NLGN1: variants seen among roughly 807,000 people sequenced by gnomAD.
NLGN1 encodes the protein neuroligin 1.
In NLGN1, 12 loss-of-function variants were observed where a neutral mutation model predicts 65.5. The ratio of observed to expected loss-of-function variants is 0.18; its 90% confidence interval spans 0.12 to 0.30. The LOEUF (loss-of-function observed/expected upper bound fraction) is 0.30. NLGN1 is among the 10% of genes least tolerant of loss of function. NLGN1 has a pLI of 1.00. For synonymous variants in NLGN1, 350 were observed against 359.5 expected (o/e 0.97, Z 0.30); for missense variants, 750 against 1,007.1 (o/e 0.74, Z 3.46).
chr3:173,793,114 C>G (rs1347411797), intron 3 of NLGN1, among the ~76,000 whole-genome samples: 1 of 152,012 alleles, frequency 6.6e-6, no homozygotes, highest in Admixed American at 6.6e-5. Context: ...TCTTTTTTCT[C>G]TTTGGGTTTG....
chr3:174,249,223 T>G (rs73882735), intron 4 of NLGN1, among the ~76,000 whole-genome samples: 18,293 of 152,244 alleles, frequency 0.12, 1,890 homozygotes, highest in African/African-American at 0.27. Context: ...AGCCATAAGC[T>G]GAGAACTGCA....
rs571577715 is a variant in NLGN1 at position 173,917,938 on chromosome 3, A to T, written c.646+110106A>T. ...AAATCAACAGGCTATGGTTCAAACC[A>T]TTTCACTTCCTTTCAGTTTGTCCAT... On this transcript the variant is annotated intron_variant, in intron 4 of 6. Transcript: ENST00000457714. 4.9e-3 allele frequency among the ~76,000 whole-genome samples: 749 copies of T among 151,968 alleles called. 8 individuals are homozygous for T. Among genetic ancestry groups the T allele is most frequent in the African/African-American group, 0.016 (645 of 41,394 alleles).
intron 3 of NLGN1, among the ~76,000 whole-genome samples, chr3:173,650,537 G>A (rs76648315): frequency 6.6e-6 from 1 of 152,090 alleles, no homozygotes; most frequent in South Asian, 2.1e-4. Flanking sequence ...AATACAACAG[G>A]TTAGGAATGG....
At chr3:173,670,622 A>G (rs1476531634) in intron 3 of NLGN1, among the ~76,000 whole-genome samples, 1 of 152,152 alleles carries the variant, frequency 6.6e-6, no homozygotes, top group Non-Finnish European at 1.5e-5. Context: ...CTGAAGGTAT[A>G]CTTTTTCATA....
chr3:173,881,419 C>CTTTTTTTTT (rs71162368), intron 4 of NLGN1, among the ~76,000 whole-genome samples: 1 of 80,542 alleles, frequency 1.2e-5, no homozygotes. Flanking sequence ...TGCTCCACTC[C>CTTTTTTTTT]TTTTTTTTTT....
chr3:174,030,351 C>T (rs1035085833), intron 4 of NLGN1, among the ~76,000 whole-genome samples: 1 of 152,068 alleles, frequency 6.6e-6, no homozygotes, highest in African/African-American at 2.4e-5. Flanking sequence ...GTCTCGAACT[C>T]CTGACCTCGT....
At chr3:173,696,488 G>A (rs1211852235) in intron 3 of NLGN1, among the ~76,000 whole-genome samples, 1 of 152,136 alleles carries the variant, frequency 6.6e-6, no homozygotes, top group Non-Finnish European at 1.5e-5. Context: ...TGAATCAAGA[G>A]ATCCAGCCCA....
rs146041761 is a variant in NLGN1, at chr3:173,573,919, C to T, written c.-320-30360C>T. Among the ~76,000 whole-genome samples the T allele has an allele frequency of 5.8e-3, 876 of 151,494 alleles. 8 individuals are homozygous for T. The highest frequency in any genetic ancestry group is 0.02 in the African/African-American group (825 of 41,356). On this transcript the variant is annotated intron_variant, in intron 2 of 6. Coordinates refer to ENST00000457714, the Ensembl canonical transcript of NLGN1. Reference sequence around the variant, plus strand: ...TCTACTAAAAATACAAAAAATTAGCCGGGCGTGGTAGCGGGCGCCTGTAGT... The same window carrying T: ...TCTACTAAAAATACAAAAAATTAGCTGGGCGTGGTAGCGGGCGCCTGTAGT...
Position 174,261,761 on chromosome 3 carries a change from C to A in NLGN1, c.647-13554C>A, listed in dbSNP as rs1746961059. Among the ~76,000 whole-genome samples the A allele has an allele frequency of 3.4e-5, 5 of 145,458 alleles. No individual in the cohort carries two copies. In the South Asian group the frequency reaches 6.6e-4, roughly 19 times the overall value. On this transcript the variant is annotated intron_variant, in intron 4 of 6. Coordinates refer to ENST00000457714, the Ensembl canonical transcript of NLGN1. ...GAGAGAGGGCATCCCTGTCTTGTGC[C>A]AGTTTTCAAAGGGAATGCTTCCAGT... is the stretch of plus-strand genomic sequence containing the variant.
chr3:173,920,766 T>A (rs1383673636), intron 4 of NLGN1: 2 of 152,116 alleles, frequency 1.3e-5, no homozygotes, highest in African/African-American at 4.8e-5. Flanking sequence ...TCTTTCAACC[T>A]GTCAATCAGA....
chr3:174,274,599 C>T (rs1451631204), intron 4 of NLGN1, among the ~76,000 whole-genome samples: 1 of 151,660 alleles, frequency 6.6e-6, no homozygotes, highest in Non-Finnish European at 1.5e-5. Context: ...TTGAGCATTC[C>T]AGAAATATAT....
At chr3:173,495,742 A>G (rs1729915846) in intron 2 of NLGN1, among the ~76,000 whole-genome samples, 1 of 150,260 alleles carries the variant, frequency 6.7e-6, no homozygotes. Context: ...CACCATCTTA[A>G]GTGTATTATC....
chr3:173,583,059 G>C (rs1746654790), intron 2 of NLGN1, among the ~76,000 whole-genome samples: 1 of 152,080 alleles, frequency 6.6e-6, no homozygotes, highest in Admixed American at 6.5e-5. Flanking sequence ...ATATTTTTCT[G>C]GACTTTCTAT....
intron 3 of NLGN1, among the ~76,000 whole-genome samples, chr3:173,610,408 C>A (rs942391692): frequency 1.3e-5 from 2 of 151,658 alleles, no homozygotes; most frequent in Admixed American, 6.6e-5. Context: ...GTTTCTTGAA[C>A]CAATATCTTG....
intron 2 of NLGN1, among the ~76,000 whole-genome samples, chr3:173,533,473 A>G (rs1344234802): frequency 6.6e-6 from 1 of 152,154 alleles, no homozygotes; most frequent in Non-Finnish European, 1.5e-5. Flanking sequence ...ATTCTCTGAG[A>G]TGTGGCAGGT....
intron 2 of NLGN1, among the ~76,000 whole-genome samples, chr3:173,439,301 C>T (rs988717341): frequency 6.6e-6 from 1 of 152,034 alleles, no homozygotes; most frequent in African/African-American, 2.4e-5. Context: ...ATTATATTAA[C>T]AAATGGTTAT....
At chr3:173,762,942 G>A (rs1269188654) in intron 3 of NLGN1, among the ~76,000 whole-genome samples, 2 of 136,608 alleles carry the variant, frequency 1.5e-5, no homozygotes, top group Non-Finnish European at 3.1e-5. Context: ...CCAGGCAATG[G>A]GATTGTGTAA....
At chr3:173,960,910 A>G (rs1259966883) in intron 4 of NLGN1, among the ~76,000 whole-genome samples, 4 of 152,172 alleles carry the variant, frequency 2.6e-5, no homozygotes, top group South Asian at 2.1e-4. Context: ...CAGATTATCA[A>G]TGATGCAACT....
intron 4 of NLGN1, among the ~76,000 whole-genome samples, chr3:174,076,723 GA>G (rs1741063448): frequency 8.8e-6 from 1 of 113,692 alleles, no homozygotes; most frequent in African/African-American, 4.0e-5. Context: ...GAGAGAGAGA[GA>G]GTGTGTGTGT....
Sources: gnomAD v4.1 joint callset for allele counts (sites outside exome capture counted in the v4.1 genomes callset) on GRCh38, gnomAD v4.1.1 for gene constraint, MANE v1.5 for transcripts, NCBI Gene and HGNC (gene_info 2026-07-23, HGNC 2026-07-21) for gene names.